HIPK3: variants seen among roughly 807,000 people sequenced by gnomAD.
The protein encoded by HIPK3 is homeodomain-interacting protein kinase 3.
HIPK3 carries 47 observed loss-of-function variants against 124.2 expected under a neutral mutation model. The observed-to-expected ratio is 0.38, with a 90% CI of 0.30 to 0.48. HIPK3 has a LOEUF of 0.48. Ranked by LOEUF, HIPK3 falls within the 20% of genes least tolerant of loss-of-function variation. HIPK3 has a pLI of 0.98. For missense variants in HIPK3, 1,286 were observed against 1,454.3 expected, an observed-to-expected ratio of 0.88 and a Z score of 1.88; for synonymous variants, 482 against 515.2, an observed-to-expected ratio of 0.94 and a Z score of 0.87.
chr11:33,258,454 T>TA, intron 1 of HIPK3: 1 of 985,266 alleles, frequency 1.0e-6, no homozygotes, highest in Non-Finnish European at 1.2e-6. Context: ...GGGTGTCAAC[T>TA]CTGGGGACGT....
intron 1 of HIPK3, chr11:33,258,199 GCC>G: frequency 1.7e-5 from 11 of 636,566 alleles, no homozygotes; most frequent in Non-Finnish European, 2.2e-5. Flanking sequence ...GGGCCCGGGG[GCC>G]TCGGCCCCCC....
intron 2 of HIPK3, among the ~76,000 whole-genome samples, chr11:33,309,660 C>A (rs536712279): frequency 7.9e-5 from 12 of 152,208 alleles, no homozygotes; most frequent in Non-Finnish European, 1.6e-4. Flanking sequence ...CACACATACA[C>A]CCACCACCTG....
Position 33,257,746 on chromosome 11 carries a change from C to G in HIPK3, c.-146C>G. The G allele has an allele frequency of 1.0e-6, 1 of 988,450 alleles. No individual in the cohort carries two copies. Among genetic ancestry groups the G allele is most frequent in the South Asian group, 4.6e-5 (1 of 21,872 alleles). The allele number at this position is 988,450 out of a possible 1,614,324, so 61.2% of individuals were successfully genotyped here. On this transcript the variant is annotated 5_prime_UTR_variant, in exon 1 of 17. Coordinates refer to ENST00000303296, the MANE Select transcript of HIPK3 (RefSeq NM_005734.5). ...GCCGCCAGGACAAGATGGCAGCGGC[C>G]GCGGAGAGGGGCTGAGCCCGGGCTG...
rs1380472000 is a variant in HIPK3, at chr11:33,348,536, A to G, written c.2384A>G (p.Gln795Arg). The G allele has an allele frequency of 1.9e-6, 3 of 1,610,054 alleles. No individual in the cohort carries two copies. In the Admixed American group the frequency reaches 5.0e-5, roughly 27 times the overall value. ...INAFSWSNSL[Q>R]NTNIPHSAFI... is the part of the protein sequence containing the mutation. ...TTTGGTTGCAGGAGTAATTCATTAC[A>G]GAATACCAATATCCCACATTCAGCA... The change falls in exon 13 of 17, where the codon CAG becomes CGG. Residue 795 changes from glutamine to arginine, a missense_variant. Coordinates refer to ENST00000303296, the MANE Select transcript of HIPK3 (RefSeq NM_005734.5).
chr11:33,352,839 T>C (rs912131397), intron 16 of HIPK3, among the ~76,000 whole-genome samples: 1 of 152,122 alleles, frequency 6.6e-6, no homozygotes, highest in African/African-American at 2.4e-5. Context: ...GGGATAGTAA[T>C]AGGTAGTACT....
Position 33,353,265 on chromosome 11 carries a change from G to A in HIPK3, c.3345G>A (p.Gln1115=), listed in dbSNP as rs1394561858. 1 of 1,614,010 alleles carries A rather than the reference G, an allele frequency of 6.2e-7. No homozygotes were observed. The highest frequency in any genetic ancestry group is 1.3e-5 in the African/African-American group (1 of 74,902). The change falls in exon 17 of 17, where the codon CAG becomes CAA. Residue 1115 remains glutamine, a synonymous_variant. Transcript: ENST00000303296. ...CTGGAAATACACACCTCGGAGGACA[G>A]CCTACTCTACTTCCATACCCATCAT... ...HLAGNTHLGG[Q]PTLLPYPSSA... is the part of the protein sequence containing the mutation.
chr11:33,305,224 A>G (rs1383571985), intron 2 of HIPK3, among the ~76,000 whole-genome samples: 1 of 151,816 alleles, frequency 6.6e-6, no homozygotes, highest in Non-Finnish European at 1.5e-5. Flanking sequence ...TTGGTCTCGA[A>G]CTCCTGACCT....
intron 2 of HIPK3, among the ~76,000 whole-genome samples, chr11:33,306,364 A>C (rs182403596): frequency 8.5e-5 from 13 of 152,314 alleles, no homozygotes; most frequent in African/African-American, 2.6e-4. Context: ...GAAAAAATAA[A>C]TTCATTGAGG....
intron 2 of HIPK3, among the ~76,000 whole-genome samples, chr11:33,312,015 T>G: frequency 7.4e-6 from 1 of 134,944 alleles, no homozygotes. Context: ...AAATACAGCT[T>G]TTAATTTTTT....
At chr11:33,328,235 G>GTT (rs1852866749) in intron 2 of HIPK3, among the ~76,000 whole-genome samples, 1 of 152,088 alleles carries the variant, frequency 6.6e-6, no homozygotes, top group African/African-American at 2.4e-5. Flanking sequence ...CAAGATGTAT[G>GTT]TTTTTCCTTT....
intron 2 of HIPK3, among the ~76,000 whole-genome samples, chr11:33,291,363 G>A (rs1410615998): frequency 1.3e-5 from 2 of 152,204 alleles, no homozygotes; most frequent in Non-Finnish European, 2.9e-5. Flanking sequence ...GCAAAGCACA[G>A]TAGGAATGCA....
chr11:33,338,660 A>G (rs572871919), intron 4 of HIPK3, 97 bp from the exon 5 acceptor site: 28 of 601,690 alleles, frequency 4.7e-5, no homozygotes, highest in Admixed American at 2.4e-4. Flanking sequence ...TGAAATTACT[A>G]TTTGCCTTAG....
At chr11:33,307,819 T>C (rs770030046) in intron 2 of HIPK3, among the ~76,000 whole-genome samples, 4 of 151,988 alleles carry the variant, frequency 2.6e-5, no homozygotes, top group African/African-American at 7.2e-5. Context: ...ATTCTCCTTA[T>C]GAAACTTTTG....
At chr11:33,278,953 T>C (rs1169987672) in intron 1 of HIPK3, among the ~76,000 whole-genome samples, 1 of 152,172 alleles carries the variant, frequency 6.6e-6, no homozygotes, top group African/African-American at 2.4e-5. Flanking sequence ...TAGAAGTAAG[T>C]TGAGTAAGGA....
At chr11:33,349,980 G>A (rs1415773484) in intron 14 of HIPK3, among the ~76,000 whole-genome samples, 1 of 151,958 alleles carries the variant, frequency 6.6e-6, no homozygotes, top group Non-Finnish European at 1.5e-5. Context: ...GGACATGCTG[G>A]TCTTGAACTC....
chr11:33,306,969 C>T, intron 2 of HIPK3, among the ~76,000 whole-genome samples: 1 of 144,692 alleles, frequency 6.9e-6, no homozygotes, highest in African/African-American at 2.6e-5. Flanking sequence ...GATGGAATCT[C>T]ACTCTGTCGC....
At chr11:33,295,275 C>T (rs1851808762) in intron 2 of HIPK3, among the ~76,000 whole-genome samples, 1 of 125,088 alleles carries the variant, frequency 8.0e-6, no homozygotes, top group Non-Finnish European at 1.7e-5. Flanking sequence ...GCAGCCACCA[C>T]CGCCCCCCCC....
chr11:33,326,413 A>T (rs1348794171), intron 2 of HIPK3, among the ~76,000 whole-genome samples: 1 of 152,188 alleles, frequency 6.6e-6, no homozygotes, highest in Admixed American at 6.5e-5. Context: ...AACTCTAGGT[A>T]ATATACGTAC....
At chr11:33,260,812 T>C (rs191059733) in intron 1 of HIPK3, among the ~76,000 whole-genome samples, 2 of 152,294 alleles carry the variant, frequency 1.3e-5, no homozygotes, top group Admixed American at 1.3e-4. Context: ...ACAGAATAAC[T>C]TGATTTATTG....
Sources: gnomAD v4.1 joint callset for allele counts (sites outside exome capture counted in the v4.1 genomes callset) on GRCh38, gnomAD v4.1.1 for gene constraint, MANE v1.5 for transcripts, NCBI Gene and HGNC (gene_info 2026-07-23, HGNC 2026-07-21) for gene names.